The following KSR2 variants were observed in gnomAD, a reference collection of about 807,000 sequenced individuals.
The protein encoded by KSR2 is kinase suppressor of ras 2.
Under a neutral mutation model 107.8 loss-of-function variants are expected in KSR2, and 25 were observed. That is an observed-to-expected ratio of 0.23 (90% CI 0.17 to 0.32). KSR2 has a LOEUF of 0.32. Among genes scored for constraint, KSR2 ranks in the 10% least tolerant of loss-of-function variants. The probability of loss-of-function intolerance (pLI) is 1.00; values close to 1 mark genes in which losing one functional copy is unlikely to be tolerated. For synonymous variants in KSR2, 480 were observed against 507.0 expected (o/e 0.95, Z 0.71); for missense variants, 887 against 1,268.9 (o/e 0.70, Z 4.57).
At chr12:117,800,036 A>G (rs1370228672) in intron 3 of KSR2, among the ~76,000 whole-genome samples, 1 of 152,220 alleles carries the variant, frequency 6.6e-6, no homozygotes, top group African/African-American at 2.4e-5. Context: ...TAGAGACTTC[A>G]AGGAAACATC....
intron 14 of KSR2, among the ~76,000 whole-genome samples, chr12:117,487,545 A>G (rs7305062): frequency 0.35 from 53,444 of 152,010 alleles, 9,631 homozygotes; most frequent in South Asian, 0.56. Flanking sequence ...AGAGCAGCCA[A>G]TTACTCCATG....
At chr12:117,576,218 C>T (rs1163782497) in intron 7 of KSR2, among the ~76,000 whole-genome samples, 1 of 152,212 alleles carries the variant, frequency 6.6e-6, no homozygotes, top group Non-Finnish European at 1.5e-5. Context: ...TAATTACCTG[C>T]CTTCAAAGCC....
chr12:117,602,713 T>C (rs959233476), intron 5 of KSR2, among the ~76,000 whole-genome samples: 1 of 152,234 alleles, frequency 6.6e-6, no homozygotes, highest in African/African-American at 2.4e-5. Flanking sequence ...CTATGAATAT[T>C]TGCGTATAGG....
chr12:117,488,891 T>C (rs899204248), intron 14 of KSR2, among the ~76,000 whole-genome samples: 8 of 152,098 alleles, frequency 5.3e-5, no homozygotes, highest in African/African-American at 1.9e-4. Flanking sequence ...CGTGTCACGG[T>C]AGTCCAAACT....
chr12:117,720,906 G>C (rs1887181924), intron 4 of KSR2, among the ~76,000 whole-genome samples: 1 of 152,186 alleles, frequency 6.6e-6, no homozygotes, highest in Non-Finnish European at 1.5e-5. Context: ...CCCTGAGGCA[G>C]GAGGGAATGA....
Position 117,467,092 on chromosome 12 carries a change from TA to T in KSR2, c.*106del. 1 of 531,324 alleles carries T rather than the reference TA, an allele frequency of 1.9e-6. No individual in the cohort carries two copies. Among genetic ancestry groups the T allele is most frequent in the South Asian group, 3.0e-5 (1 of 33,296 alleles). The allele number at this position is 531,324 out of a possible 1,614,324, so 32.9% of individuals were successfully genotyped here. A position where few individuals can be genotyped will look rare whatever the true frequency, so the allele number is the denominator to read the frequency against. On this transcript the variant is annotated 3_prime_UTR_variant, in exon 20 of 20. Transcript: ENST00000339824. The stretch of plus-strand genomic sequence containing the variant: ...GTGCTCCCAGGTCGGTCGGGGTTGG[TA>T]CCCTCTGATGCTGAGTCTCTGGCCT...
At chr12:117,481,937 C>T (rs909488999) in intron 16 of KSR2, among the ~76,000 whole-genome samples, 24 of 152,052 alleles carry the variant, frequency 1.6e-4, no homozygotes, top group African/African-American at 5.8e-4. Context: ...AGTAAATGGA[C>T]CTGAACCCCT....
chr12:117,940,328 T>C (rs1249387919), intron 1 of KSR2, among the ~76,000 whole-genome samples: 2 of 152,222 alleles, frequency 1.3e-5, no homozygotes, highest in Non-Finnish European at 2.9e-5. Context: ...CTCTCTGTTT[T>C]GTAGGTATCT....
intron 5 of KSR2, among the ~76,000 whole-genome samples, chr12:117,613,350 A>G (rs1473424472): frequency 6.6e-6 from 1 of 152,162 alleles, no homozygotes; most frequent in Admixed American, 6.6e-5. Flanking sequence ...CCTCCCCAGA[A>G]TTCCCCAGCC....
chr12:117,484,393 C>T lies in KSR2; in HGVS notation c.2450+23G>A, dbSNP rs184205031. On this transcript the variant is annotated intron_variant, in intron 16 of 19. Transcript: ENST00000339824. ...GACCATCATCTGTCAGGAAACTCTC[C>T]GGGTCTTCCCACTGCCTCTCACCTG... The T allele has an allele frequency of 1.7e-3, 2,792 of 1,612,796 alleles. 42 individuals are homozygous for T. Among genetic ancestry groups the T allele is most frequent in the Non-Finnish European group, 4.3e-4 (502 of 1,179,260 alleles).
chr12:117,712,390 G>A (rs1406983058), intron 4 of KSR2, among the ~76,000 whole-genome samples: 2 of 152,166 alleles, frequency 1.3e-5, no homozygotes, highest in African/African-American at 2.4e-5. Context: ...AAGACCACAC[G>A]TAGGAACAAG....
intron 1 of KSR2, among the ~76,000 whole-genome samples, chr12:117,866,141 A>T (rs1455762531): frequency 1.3e-5 from 2 of 149,938 alleles, no homozygotes. Flanking sequence ...GGCTCAAGCC[A>T]TCCTCCCACC....
At chr12:117,656,343 C>G (rs913579835) in intron 5 of KSR2, among the ~76,000 whole-genome samples, 2 of 152,214 alleles carry the variant, frequency 1.3e-5, no homozygotes, top group Admixed American at 6.5e-5. Context: ...GGCATGGTGG[C>G]TCACGCCTGT....
chr12:117,688,133 A>T (rs544285755), intron 4 of KSR2, among the ~76,000 whole-genome samples: 2 of 152,304 alleles, frequency 1.3e-5, no homozygotes, highest in African/African-American at 4.8e-5. Flanking sequence ...TAATCCCAGC[A>T]CTTTGGGAGG....
intron 7 of KSR2, among the ~76,000 whole-genome samples, chr12:117,571,706 G>C (rs1160828844): frequency 1.3e-5 from 2 of 152,168 alleles, no homozygotes; most frequent in Admixed American, 6.5e-5. Context: ...GGAAGAATAA[G>C]GCTCAAGCAT....
chr12:117,859,171 G>T, intron 2 of KSR2, among the ~76,000 whole-genome samples: 1 of 125,596 alleles, frequency 8.0e-6, no homozygotes, highest in African/African-American at 3.1e-5. Context: ...TTTTGAGACA[G>T]AGTCTTTCTC....
chr12:117,597,053 C>T (rs562535324), intron 5 of KSR2, among the ~76,000 whole-genome samples: 43 of 152,224 alleles, frequency 2.8e-4, no homozygotes, highest in Non-Finnish European at 3.4e-4. Flanking sequence ...TTCTTTCCTA[C>T]GTATCTCCCG....
At chr12:117,667,430 T>G (rs1884701103) in intron 5 of KSR2, 44 bp downstream of exon 5, 11 of 1,562,224 alleles carry the variant, frequency 7.0e-6, no homozygotes, top group African/African-American at 1.4e-5. Context: ...GAGAAGGAGG[T>G]GGCATGGCAA....
At chr12:117,874,206 G>GACAATGCTGAT (rs1216284441) in intron 1 of KSR2, among the ~76,000 whole-genome samples, 1 of 152,046 alleles carries the variant, frequency 6.6e-6, no homozygotes, top group Non-Finnish European at 1.5e-5. Flanking sequence ...TGAGTATCAT[G>GACAATGCTGAT]ACAATGCTGA....
Sources: allele counts gnomAD v4.1 joint callset (sites outside exome capture counted in the v4.1 genomes callset), GRCh38; gene constraint gnomAD v4.1.1; transcripts MANE v1.5; gene names NCBI Gene and HGNC (gene_info 2026-07-23, HGNC 2026-07-21).